Variants in SLCO4C1 observed in about 807,000 individuals in gnomAD.
SLCO4C1 encodes solute carrier organic anion transporter family member 4C1, also known as organic anion transporter M1.
SLCO4C1 carries 58 observed loss-of-function variants against 72.1 expected under a neutral mutation model. The ratio of observed to expected loss-of-function variants is 0.80; its 90% CI spans 0.65 to 1.00. SLCO4C1 has a LOEUF of 1.00. Ranked by LOEUF, SLCO4C1 falls within the 50% of genes least tolerant of loss-of-function variation. The pLI is 0.00. For missense variants in SLCO4C1, 898 were observed against 857.9 expected (o/e 1.05, Z -0.58); for synonymous variants, 297 against 312.5 (o/e 0.95, Z 0.52).
chr5:102,241,794 C>CTAAAA (rs1189492096), intron 10 of SLCO4C1, among the ~76,000 whole-genome samples: 1 of 151,750 alleles, frequency 6.6e-6, no homozygotes, highest in East Asian at 1.9e-4. Flanking sequence ...GCTAAAACAG[C>CTAAAA]CAGAGGGTGG....
intron 2 of SLCO4C1, among the ~76,000 whole-genome samples, chr5:102,275,185 A>T (rs1235334109): frequency 1.3e-5 from 2 of 152,124 alleles, no homozygotes; most frequent in Non-Finnish European, 2.9e-5. Flanking sequence ...TCCTGACAGA[A>T]AAAAGTAAAA....
chr5:102,267,034 T>C (rs1039825733), intron 3 of SLCO4C1, among the ~76,000 whole-genome samples: 1 of 152,164 alleles, frequency 6.6e-6, no homozygotes, highest in Non-Finnish European at 1.5e-5. Context: ...CTAGCTATAA[T>C]TTTGTTGAGG....
chr5:102,265,147 T>A (rs1053853617), intron 3 of SLCO4C1, among the ~76,000 whole-genome samples: 12 of 152,100 alleles, frequency 7.9e-5, no homozygotes, highest in Admixed American at 7.2e-4. Context: ...ATTCTTTGCT[T>A]ATTTTATAAT....
chr5:102,253,577 C>T (rs1421072678), intron 8 of SLCO4C1, among the ~76,000 whole-genome samples: 7 of 151,916 alleles, frequency 4.6e-5, no homozygotes, highest in South Asian at 2.1e-4. Context: ...GAGGCCGAGG[C>T]GGGTGGATCA....
At chr5:102,275,282 A>G (rs1019545580) in intron 2 of SLCO4C1, among the ~76,000 whole-genome samples, 22 of 152,160 alleles carry the variant, frequency 1.4e-4, no homozygotes, top group Admixed American at 1.2e-3. Context: ...TTATGGGCAT[A>G]TAGAGTACAA....
intron 8 of SLCO4C1, among the ~76,000 whole-genome samples, chr5:102,252,792 G>A (rs1209764790): frequency 1.3e-5 from 2 of 152,054 alleles, no homozygotes; most frequent in African/African-American, 4.8e-5. Context: ...TAACTAGAAA[G>A]CTATTAGTAG....
rs749803675 is a variant in SLCO4C1 at position 102,249,692 on chromosome 5, AT to A, written c.1565del (p.Tyr522PhefsTer33). Reference sequence around the variant, plus strand: ...AACAGCCTGCAAAGCAGGGAGAAAAATATTGGACTCCATCTCCACAGACAGG... The same window carrying A: ...AACAGCCTGCAAAGCAGGGAGAAAAAATTGGACTCCATCTCCACAGACAGG... ...YYPVCGDGVQYFSPCFAGCSN... is the reference protein window; with the variant it reads ...YYPVCGDGVQXFSPCFAGCSN... On this transcript the variant is annotated frameshift_variant, in exon 9 of 13. Coordinates refer to ENST00000310954, the MANE Select transcript of SLCO4C1 (RefSeq NM_180991.5). LOFTEE classifies it high-confidence loss of function. The A allele has an allele frequency of 2.5e-6, 4 of 1,613,800 alleles. No homozygotes were observed. Among genetic ancestry groups the A allele is most frequent in the Non-Finnish European group, 3.4e-6 (4 of 1,179,946 alleles).
intron 5 of SLCO4C1, among the ~76,000 whole-genome samples, chr5:102,261,362 A>C (rs1468228509): frequency 6.6e-6 from 1 of 152,118 alleles, no homozygotes; most frequent in Non-Finnish European, 1.5e-5. Context: ...CAGTGAGCGG[A>C]GATCGTGCCA....
Position 102,234,963 on chromosome 5 carries a change from T to C in SLCO4C1, c.*1895A>G, listed in dbSNP as rs2112326348. 1 of 152,346 alleles carries C rather than the reference T, an allele frequency of 6.6e-6. No homozygotes were observed. The highest frequency in any genetic ancestry group is 1.9e-4 in the East Asian group (1 of 5,178). 9.4% of individuals were successfully genotyped at this position (152,346 alleles called of 1,614,324 possible). On this transcript the variant is annotated 3_prime_UTR_variant, in exon 13 of 13. Coordinates refer to ENST00000310954, the MANE Select transcript of SLCO4C1 (RefSeq NM_180991.5). ...TTCCTGCTTCTCAAATATCTGGATT[T>C]TTGGCTACCTATTTGGCTTCCGTCT... is the stretch of plus-strand genomic sequence containing the variant.
rs143171520 is a variant in SLCO4C1, at chr5:102,291,535, G to C, written c.427C>G (p.Leu143Val). ...VEKRYEMKSS[L>V]TGLISSSYDI... ...TAGCTTGATGAAATCAGGCCAGTCAGGGAACTCTTCATTTCATAACGCTTC... is the reference window on the plus strand; with the variant it reads ...TAGCTTGATGAAATCAGGCCAGTCACGGAACTCTTCATTTCATAACGCTTC... Residue 143 changes from leucine (L) to valine (V), a missense_variant, in exon 2 of 13, where the codon CTG becomes GTG. Transcript: ENST00000310954. 6.2e-7 allele frequency: 1 copy of C among 1,613,868 alleles called. No individual in the cohort carries two copies. Among genetic ancestry groups the C allele is most frequent in the African/African-American group, 1.3e-5 (1 of 74,912 alleles).
intron 1 of SLCO4C1, among the ~76,000 whole-genome samples, chr5:102,292,997 G>A (rs1749583836): frequency 6.6e-6 from 1 of 151,928 alleles, no homozygotes; most frequent in Non-Finnish European, 1.5e-5. Flanking sequence ...ACCAGAATGA[G>A]TATATACATA....
chr5:102,249,955 G>A (rs567214904), intron 8 of SLCO4C1, among the ~76,000 whole-genome samples, 167 bp from the exon 9 acceptor site: 7 of 152,148 alleles, frequency 4.6e-5, no homozygotes, highest in South Asian at 2.1e-4. Context: ...ACTTCTTGTC[G>A]GAGAGAGGCA....
Position 102,291,609 on chromosome 5 carries a change from A to G in SLCO4C1, c.356-3T>C, listed in dbSNP as rs1580270817. 1.3e-6 allele frequency: 2 copies of G among 1,594,532 alleles called. No homozygotes were observed. The highest frequency in any genetic ancestry group is 1.7e-6 in the Non-Finnish European group (2 of 1,170,076). The stretch of plus-strand genomic sequence containing the variant: ...TACTAGGCCATTAACTACAATACCT[A>G]AAAAACAGAAAAGTTGATGTGCATC... On this transcript the variant is annotated splice_region_variant and splice_polypyrimidine_tract_variant and intron_variant, in intron 1 of 12. Coordinates refer to ENST00000310954, the MANE Select transcript of SLCO4C1 (RefSeq NM_180991.5).
chr5:102,249,960 G>A lies in SLCO4C1; in HGVS notation c.1470-172C>T, dbSNP rs1748707884. ...ATAAAGTTTAACTTCTTGTCGGAGA[G>A]AGGCAATAAAAACAATAGTCATATA... On this transcript the variant is annotated intron_variant, in intron 8 of 12. Transcript: ENST00000310954. Among the ~76,000 whole-genome samples, 3 of 152,280 alleles carry A rather than the reference G, an allele frequency of 2.0e-5. No individual in the cohort carries two copies. The Middle Eastern group carries it at 0.01, about 518-fold the overall frequency.
chr5:102,272,169 G>C (rs978000183), intron 2 of SLCO4C1, among the ~76,000 whole-genome samples: 3 of 152,164 alleles, frequency 2.0e-5, no homozygotes, highest in Non-Finnish European at 4.4e-5. Context: ...AGTGGGAGAA[G>C]ACAGAGATCC....
intron 9 of SLCO4C1, among the ~76,000 whole-genome samples, chr5:102,249,058 A>G (rs907579714): frequency 3.9e-5 from 6 of 152,224 alleles, no homozygotes; most frequent in African/African-American, 1.2e-4. Flanking sequence ...CTAAGTTTCT[A>G]TTATATAAAC....
rs1016821626 is a variant in SLCO4C1, at chr5:102,236,746, A to G, written c.*112T>C. ...AATACATTTGATTATAAAAACATCA[A>G]TTTTGTAAATATGATTGTCCATATT... On this transcript the variant is annotated 3_prime_UTR_variant, in exon 13 of 13. Coordinates refer to ENST00000310954, the MANE Select transcript of SLCO4C1 (RefSeq NM_180991.5). 2.5e-6 allele frequency: 3 copies of G among 1,182,042 alleles called. No homozygotes were observed. Among genetic ancestry groups the G allele is most frequent in the Non-Finnish European group, 3.6e-6 (3 of 837,128 alleles). The allele number at this position is 1,182,042 out of a possible 1,614,324, so 73.2% of individuals were successfully genotyped here.
chr5:102,266,750 C>T (rs1462645622), intron 3 of SLCO4C1, among the ~76,000 whole-genome samples: 9 of 152,118 alleles, frequency 5.9e-5, no homozygotes, highest in East Asian at 3.9e-4. Context: ...TTCAGTATAA[C>T]GTTAGCTGTG....
chr5:102,250,985 C>A (rs420900), intron 8 of SLCO4C1, among the ~76,000 whole-genome samples: 120,534 of 151,468 alleles, frequency 0.8, 48,281 homozygotes, highest in African/African-American at 0.9. Flanking sequence ...AGACTCCATA[C>A]AAAAAAAATC....
Sources: allele counts gnomAD v4.1 joint callset (sites outside exome capture counted in the v4.1 genomes callset), GRCh38; gene constraint gnomAD v4.1.1; transcripts MANE v1.5; gene names NCBI Gene and HGNC (gene_info 2026-07-23, HGNC 2026-07-21).